Variants in MSRB3 observed in about 807,000 individuals in gnomAD.
MSRB3 encodes the protein methionine sulfoxide reductase B3.
Under a neutral mutation model 21.0 loss-of-function variants are expected in MSRB3, and 13 were observed. That is an observed-to-expected ratio of 0.62 (90% CI 0.40 to 0.98). MSRB3 has a LOEUF of 0.98. Among genes scored for constraint, MSRB3 ranks in the 50% least tolerant of loss-of-function variants. MSRB3 has a pLI of 0.00. For synonymous variants in MSRB3, 87 were observed against 88.6 expected (o/e 0.98, Z 0.10); for missense variants, 199 against 230.3 (o/e 0.86, Z 0.88).
intron 5 of MSRB3, among the ~76,000 whole-genome samples, chr12:65,377,383 T>C (rs1878685271): frequency 6.6e-6 from 1 of 152,188 alleles, no homozygotes; most frequent in African/African-American, 2.4e-5. Context: ...GCGATTCTCC[T>C]GCCTCAGCCT....
At chr12:65,348,206 C>A (rs1371433458) in intron 4 of MSRB3, among the ~76,000 whole-genome samples, 2 of 151,922 alleles carry the variant, frequency 1.3e-5, no homozygotes, top group East Asian at 3.9e-4. Context: ...CTGTGAATCC[C>A]TCTGGTCCTG....
At chr12:65,383,291 T>G (rs892720444) in intron 5 of MSRB3, among the ~76,000 whole-genome samples, 1 of 152,162 alleles carries the variant, frequency 6.6e-6, no homozygotes, top group Non-Finnish European at 1.5e-5. Context: ...TGTAAAATAG[T>G]TTAGTGCCTA....
intron 6 of MSRB3, among the ~76,000 whole-genome samples, chr12:65,457,611 A>G (rs964526893): frequency 2.0e-5 from 3 of 152,170 alleles, no homozygotes; most frequent in Non-Finnish European, 2.9e-5. Flanking sequence ...ATCTAATTAA[A>G]CTAAAGAGCT....
rs546536967 is a variant in MSRB3 at position 65,409,682 on chromosome 12, C to T, written c.292+40656C>T. Among the ~76,000 whole-genome samples the T allele has an allele frequency of 5.9e-5, 9 of 152,270 alleles. No individual in the cohort carries two copies. In the East Asian group the frequency reaches 1.2e-3, roughly 20 times the overall value. ...TAATTTTTTTCTTAACAAAATACCTCATCCATCTATACAATCCTTTTTATG... is the reference window on the plus strand; with the variant it reads ...TAATTTTTTTCTTAACAAAATACCTTATCCATCTATACAATCCTTTTTATG... On this transcript the variant is annotated intron_variant, in intron 5 of 6. Transcript: ENST00000308259.
chr12:65,463,284 G>A lies in MSRB3; in HGVS notation c.520G>A (p.Val174Ile). 3 of 1,614,196 alleles carry A rather than the reference G, an allele frequency of 1.9e-6. No homozygotes were observed. The highest frequency in any genetic ancestry group is 1.7e-6 in the Non-Finnish European group (2 of 1,180,050). ...SSGTAEGGSG[V>I]ASPAQADKAE... is the part of the protein sequence containing the mutation. The stretch of plus-strand genomic sequence containing the variant: ...TGGCACCGCCGAGGGAGGCAGTGGG[G>A]TCGCCAGCCCGGCCCAGGCAGACAA... Residue 174 changes from valine to isoleucine, a missense_variant, in exon 7 of 7, where the codon GTC (valine) becomes ATC (isoleucine). By Grantham distance (29) the Val-to-Ile change is conservative (BLOSUM62 3). Transcript: ENST00000308259.
chr12:65,382,485 T>C (rs967489743), intron 5 of MSRB3, among the ~76,000 whole-genome samples: 1 of 152,082 alleles, frequency 6.6e-6, no homozygotes, highest in Non-Finnish European at 1.5e-5. Flanking sequence ...CATTTAAATT[T>C]ATACAGTAGA....
chr12:65,426,207 A>G (rs1236944242), intron 5 of MSRB3, among the ~76,000 whole-genome samples: 1 of 151,918 alleles, frequency 6.6e-6, no homozygotes, highest in Non-Finnish European at 1.5e-5. Flanking sequence ...TTTAAGTTTA[A>G]AGTATTTCCT....
At chr12:65,407,216 C>A (rs577695354) in intron 5 of MSRB3, among the ~76,000 whole-genome samples, 1 of 151,936 alleles carries the variant, frequency 6.6e-6, no homozygotes, top group South Asian at 2.1e-4. Flanking sequence ...AAAGGACAGT[C>A]TTTTCAATAA....
Position 65,313,984 on chromosome 12 carries a change from A to G in MSRB3, c.76+5329A>G, listed in dbSNP as rs942411011. On this transcript the variant is annotated intron_variant, in intron 2 of 6. Transcript: ENST00000308259. ...TAGGTGCATTGTGAAAACTTAAACA[A>G]AAGTATATAAGGAATAGCCAGTTAA... is the stretch of plus-strand genomic sequence containing the variant. Among the ~76,000 whole-genome samples the G allele has an allele frequency of 2.0e-5, 3 of 152,316 alleles. No homozygotes were observed. The South Asian group carries it at 6.2e-4, about 32-fold the overall frequency.
At chr12:65,450,476 T>C (rs1882808968) in intron 5 of MSRB3, among the ~76,000 whole-genome samples, 2 of 152,196 alleles carry the variant, frequency 1.3e-5, no homozygotes, top group Non-Finnish European at 2.9e-5. Flanking sequence ...AATGAAATGA[T>C]AATAGGCCTA....
intron 6 of MSRB3, among the ~76,000 whole-genome samples, chr12:65,462,122 C>T (rs1014015971): frequency 8.5e-5 from 13 of 152,180 alleles, no homozygotes; most frequent in African/African-American, 2.9e-4. Context: ...CATTAATAAA[C>T]GAATGAATGG....
intron 1 of MSRB3, among the ~76,000 whole-genome samples, chr12:65,291,219 G>A (rs1347052709): frequency 6.6e-6 from 1 of 152,010 alleles, no homozygotes; most frequent in Non-Finnish European, 1.5e-5. Flanking sequence ...CTGAGTAGCT[G>A]TGATTACAGG....
chr12:65,419,488 A>G, intron 5 of MSRB3: 4 of 741,346 alleles, frequency 5.4e-6, no homozygotes, highest in Non-Finnish European at 9.9e-6. Flanking sequence ...GTCGCTCTCC[A>G]CAGACTGGCG....
chr12:65,392,960 A>G (rs1879563933), intron 5 of MSRB3, among the ~76,000 whole-genome samples: 1 of 152,054 alleles, frequency 6.6e-6, no homozygotes, highest in Non-Finnish European at 1.5e-5. Flanking sequence ...CAGCTCCCAC[A>G]ATATTTGAGG....
chr12:65,294,556 T>C (rs1872842962), intron 1 of MSRB3, among the ~76,000 whole-genome samples: 1 of 152,230 alleles, frequency 6.6e-6, no homozygotes, highest in Non-Finnish European at 1.5e-5. Context: ...GAAAGGTACT[T>C]ATTTTATTGC....
chr12:65,315,236 C>G (rs1874215996), intron 2 of MSRB3, among the ~76,000 whole-genome samples: 1 of 152,062 alleles, frequency 6.6e-6, no homozygotes, highest in East Asian at 1.9e-4. Flanking sequence ...ACCTTTTGTG[C>G]CTTTGCATTT....
chr12:65,422,428 A>ATATATTTATT (rs34413074), intron 5 of MSRB3, among the ~76,000 whole-genome samples: 11 of 73,404 alleles, frequency 1.5e-4, no homozygotes, highest in South Asian at 9.1e-4. Context: ...ATATATATAT[A>ATATATTTATT]TATTTATTTA....
intron 1 of MSRB3, among the ~76,000 whole-genome samples, chr12:65,297,911 C>T (rs1219665609): frequency 6.6e-6 from 1 of 151,968 alleles, no homozygotes; most frequent in Non-Finnish European, 1.5e-5. Context: ...ATTGACAGCA[C>T]TTAGTATTGT....
At chr12:65,292,292 C>A (rs1872707880) in intron 1 of MSRB3, among the ~76,000 whole-genome samples, 1 of 152,080 alleles carries the variant, frequency 6.6e-6, no homozygotes, top group Admixed American at 6.5e-5. Context: ...TTATCTGTGC[C>A]TCAGTTTTGT....
Sources: allele counts gnomAD v4.1 joint callset (sites outside exome capture counted in the v4.1 genomes callset), GRCh38; gene constraint gnomAD v4.1.1; transcripts MANE v1.5; gene names NCBI Gene and HGNC (gene_info 2026-07-23, HGNC 2026-07-21).